The following STIM1 variants were observed in gnomAD, a reference collection of about 807,000 sequenced individuals.
The protein encoded by STIM1 is stromal interaction molecule 1.
Under a neutral mutation model 74.7 loss-of-function variants are expected in STIM1, and 25 were observed. The observed-to-expected ratio is 0.33, with a 90% CI of 0.24 to 0.47. The LOEUF (loss-of-function observed/expected upper bound fraction) is 0.47, where lower values mean the gene tolerates loss of function less well. Ranked by LOEUF, STIM1 falls within the 20% of genes least tolerant of loss-of-function variation. The pLI is 1.00. For missense variants in STIM1, 728 were observed against 920.8 expected (o/e 0.79, Z 2.71); for synonymous variants, 328 against 348.8 (o/e 0.94, Z 0.66).
At chr11:3,949,482 A>G (rs1019400262) in intron 1 of STIM1, among the ~76,000 whole-genome samples, 1 of 152,180 alleles carries the variant, frequency 6.6e-6, no homozygotes, top group Non-Finnish European at 1.5e-5. Context: ...AAGTATTCCC[A>G]GTCTTGGGGA....
At position 3,987,773 on chromosome 11, in the gene STIM1, A is replaced by C. The variant is rs547712163; in HGVS notation, c.270+20091A>C. Among the ~76,000 whole-genome samples, 6 of 151,740 alleles carry C rather than the reference A, an allele frequency of 4.0e-5. No individual in the cohort carries two copies. In the East Asian group the frequency reaches 1.2e-3, roughly 29 times the overall value. The stretch of plus-strand genomic sequence containing the variant: ...TCTTCTGCCTTCTCTTGTGTAGTAC[A>C]ATACTCTTAATAGGATATTTTGTCC... On this transcript the variant is annotated intron_variant, in intron 2 of 12. Transcript: ENST00000526596.
chr11:3,962,346 TTC>T (rs1319889863), intron 1 of STIM1, among the ~76,000 whole-genome samples: 1 of 152,200 alleles, frequency 6.6e-6, no homozygotes, highest in Non-Finnish European at 1.5e-5. Context: ...ATGTTTGATT[TTC>T]TGTTTCTCAG....
At chr11:3,951,798 A>G (rs1428011115) in intron 1 of STIM1, among the ~76,000 whole-genome samples, 1 of 152,114 alleles carries the variant, frequency 6.6e-6, no homozygotes, top group Non-Finnish European at 1.5e-5. Flanking sequence ...AGGTGTCTGT[A>G]ATTATTTTTT....
intron 3 of STIM1, among the ~76,000 whole-genome samples, chr11:4,033,430 CA>C (rs2094069521): frequency 6.6e-6 from 1 of 152,118 alleles, no homozygotes; most frequent in South Asian, 2.1e-4. Flanking sequence ...TAGATTTCAT[CA>C]CATTTTTTTC....
intron 1 of STIM1, among the ~76,000 whole-genome samples, chr11:3,931,613 C>G (rs2092860921): frequency 6.6e-6 from 1 of 152,198 alleles, no homozygotes; most frequent in Admixed American, 6.5e-5. Context: ...TGGCTTCACA[C>G]TTACCAGATC....
rs1554963559 is a variant in STIM1 at position 3,992,081 on chromosome 11, G to GTTTTTTT, written c.270+24400_270+24406dup. On this transcript the variant is annotated intron_variant, in intron 2 of 12. Transcript: ENST00000526596. ...TTTCTCTGCAGCCTTGCCAACATCTGTTTTTTTGTTTTTTTTTTTTTTTTT... is the reference window on the plus strand; with the variant it reads ...TTTCTCTGCAGCCTTGCCAACATCTGTTTTTTTTTTTTTTGTTTTTTTTTTTTTTTTT... 4.8e-4 allele frequency among the ~76,000 whole-genome samples: 44 copies of GTTTTTTT among 91,980 alleles called. 1 individual carries two copies. Among genetic ancestry groups the GTTTTTTT allele is most frequent in the African/African-American group, 1.8e-3 (39 of 21,336 alleles). 60.3% of individuals were successfully genotyped at this position (91,980 alleles called of 152,430 possible).
chr11:4,083,250 C>T lies in STIM1; in HGVS notation c.1239-13C>T, dbSNP rs115353673. ...CAAGTCCATGCCTGCAGTTCTCTTT[C>T]CTCTGTCTTCAGGCAAGCACTGAGC... On this transcript the variant is annotated splice_polypyrimidine_tract_variant and intron_variant, in intron 9 of 12. Coordinates refer to ENST00000526596, the MANE Select transcript of STIM1 (RefSeq NM_001382567.1). 7.3e-4 allele frequency: 1,179 copies of T among 1,613,590 alleles called. 8 individuals are homozygous for T. The African/African-American group carries it at 0.014, about 19-fold the overall frequency.
chr11:4,010,642 GA>G (rs2093826492), intron 2 of STIM1, among the ~76,000 whole-genome samples: 1 of 152,172 alleles, frequency 6.6e-6, no homozygotes. Context: ...AATAGGCTCA[GA>G]GAGGCAAAGT....
intron 2 of STIM1, among the ~76,000 whole-genome samples, chr11:4,023,330 G>GACAAACAAACAA (rs74727994): frequency 1.3e-4 from 19 of 150,764 alleles, no homozygotes; most frequent in Admixed American, 6.0e-4. Flanking sequence ...TCTGTCTCAA[G>GACAAACAAACAA]ACAAACAAAC....
At chr11:3,983,827 C>T (rs2093530663) in intron 2 of STIM1, among the ~76,000 whole-genome samples, 1 of 152,026 alleles carries the variant, frequency 6.6e-6, no homozygotes, top group Non-Finnish European at 1.5e-5. Context: ...GCTACTGCTG[C>T]TGCTGCTTTT....
chr11:3,871,005 T>C (rs2091069742), intron 1 of STIM1, among the ~76,000 whole-genome samples: 1 of 151,542 alleles, frequency 6.6e-6, no homozygotes, highest in Non-Finnish European at 1.5e-5. Flanking sequence ...CCCAAGTAGC[T>C]GGGATTACAG....
rs371121241 is a variant in STIM1 at position 3,886,944 on chromosome 11, A to G, written c.139+30535A>G. Among the ~76,000 whole-genome samples, 14 of 151,992 alleles carry G rather than the reference A, an allele frequency of 9.2e-5. No homozygotes were observed. The South Asian group carries it at 1.7e-3, about 18-fold the overall frequency. ...TTTTCACTCAGGAGGCGGAGGTTGC[A>G]GTGAGCCGAGATCGCACCACTGCAC... is the stretch of plus-strand genomic sequence containing the variant. On this transcript the variant is annotated intron_variant, in intron 1 of 12. Transcript: ENST00000526596.
chr11:3,978,082 A>T (rs540149491), intron 2 of STIM1, among the ~76,000 whole-genome samples: 2 of 151,854 alleles, frequency 1.3e-5, no homozygotes, highest in East Asian at 3.9e-4. Context: ...ATAAAGCAGG[A>T]TCACACATTT....
intron 5 of STIM1, 66 bp from the exon 6 acceptor site, chr11:4,069,960 G>A (rs2094393338): frequency 6.4e-7 from 1 of 1,571,202 alleles, no homozygotes; most frequent in Non-Finnish European, 8.8e-7. Flanking sequence ...GAGGGATGCA[G>A]TGGAGTCTGC....
In STIM1 at chr11:3,905,144, G is replaced by T. The variant is rs117991573; in HGVS notation, c.139+48735G>T. ...GAAAGCAATAGTGTCTGTTGCAGCA[G>T]AGAACAGGTAGGGTGAGCCTGAAAT... On this transcript the variant is annotated intron_variant, in intron 1 of 12. Transcript: ENST00000526596. Among the ~76,000 whole-genome samples, 480 of 152,162 alleles carry T rather than the reference G, an allele frequency of 3.2e-3. 2 individuals carry two copies. The highest frequency in any genetic ancestry group is 5.7e-3 in the Non-Finnish European group (387 of 68,000).
chr11:4,072,084 A>C (rs1208252685), intron 6 of STIM1, among the ~76,000 whole-genome samples: 2 of 152,192 alleles, frequency 1.3e-5, no homozygotes, highest in Non-Finnish European at 2.9e-5. Flanking sequence ...TTCCAAAGGC[A>C]AAAGAATCTA....
chr11:3,882,180 A>C (rs1206357227), intron 1 of STIM1, among the ~76,000 whole-genome samples: 1 of 143,504 alleles, frequency 7.0e-6, no homozygotes, highest in Non-Finnish European at 1.5e-5. Flanking sequence ...GCTCACCGCA[A>C]CCTCTGTCTC....
intron 1 of STIM1, among the ~76,000 whole-genome samples, chr11:3,924,263 A>T (rs2135534948): frequency 6.7e-6 from 1 of 149,716 alleles, no homozygotes; most frequent in Admixed American, 6.7e-5. Context: ...CAGTGGCGCA[A>T]TCTCGGCTCA....
chr11:3,959,186 T>A (rs1477149726), intron 1 of STIM1, among the ~76,000 whole-genome samples: 4 of 152,210 alleles, frequency 2.6e-5, no homozygotes, highest in Admixed American at 6.5e-5. Flanking sequence ...TTGCTAGTCC[T>A]GGCTGAGAAA....
Sources: gnomAD v4.1 joint callset for allele counts (sites outside exome capture counted in the v4.1 genomes callset) on GRCh38, gnomAD v4.1.1 for gene constraint, MANE v1.5 for transcripts, NCBI Gene and HGNC (gene_info 2026-07-23, HGNC 2026-07-21) for gene names.